IL18BP: variants seen among roughly 807,000 people sequenced by gnomAD.
The protein encoded by IL18BP is interleukin 18 binding protein.
Under a neutral mutation model 19.9 loss-of-function variants are expected in IL18BP, and 23 were observed. The ratio of observed to expected loss-of-function variants is 1.15; its 90% CI spans 0.83 to 1.64. IL18BP has a LOEUF of 1.64. Among genes scored for constraint, IL18BP ranks in the 40% most tolerant of loss-of-function variants. The pLI, the probability that IL18BP is intolerant of heterozygous loss-of-function variation, is 0.00. For missense variants in IL18BP, 239 were observed against 240.7 expected, an observed-to-expected ratio of 0.99 and a Z score of 0.05; for synonymous variants, 107 against 101.0, an observed-to-expected ratio of 1.06 and a Z score of -0.35.
At chr11:72,004,673 G>T, downstream of IL18BP, 1 of 1,613,322 alleles carries the variant, frequency 6.2e-7, no homozygotes, top group Non-Finnish European at 8.5e-7. Flanking sequence ...GGGGCTCTAG[G>T]GAGACCCGTT....
downstream of IL18BP, chr11:72,004,406 T>G (rs1342569952): frequency 2.1e-6 from 3 of 1,455,338 alleles, no homozygotes; most frequent in Non-Finnish European, 2.9e-6. Flanking sequence ...CCAGGTGTCT[T>G]GTCCTCTCAG....
At chr11:72,000,268 C>A in intron 2 of IL18BP, 83 bp from the exon 3 acceptor site, 8 of 1,247,254 alleles carry the variant, frequency 6.4e-6, no homozygotes, top group South Asian at 1.2e-5. Flanking sequence ...AGAACCCAGA[C>A]ATCTCTGGGC....
intron 5 of IL18BP, 72 bp from the exon 6 acceptor site, chr11:72,001,712 G>A (rs1955257226): frequency 6.2e-7 from 1 of 1,613,106 alleles, no homozygotes; most frequent in South Asian, 1.1e-5. Context: ...CAGAGGAGGT[G>A]TAGCCTGGGG....
downstream of IL18BP, chr11:72,005,321 A>C (rs1183217457): frequency 6.2e-7 from 1 of 1,608,328 alleles, no homozygotes; most frequent in East Asian, 2.3e-5. Flanking sequence ...CCAGTCATCC[A>C]GCTGCTCAGG....
In IL18BP at chr11:72,001,396, C is replaced by G; in HGVS notation, c.360-9C>G. 6.2e-7 allele frequency: 1 copy of G among 1,614,122 alleles called. No individual in the cohort carries two copies. Among genetic ancestry groups the G allele is most frequent in the Non-Finnish European group, 8.5e-7 (1 of 1,179,938 alleles). The stretch of plus-strand genomic sequence containing the variant: ...CCTTCTCATGACCTTTCCTTCCCTT[C>G]CGCTCCAGCCGGGAACGTGGGAGCA... On this transcript the variant is annotated splice_polypyrimidine_tract_variant and intron_variant, in intron 4 of 5. Coordinates refer to ENST00000393703, the MANE Select transcript of IL18BP (RefSeq NM_001039660.2).
chr11:71,999,722 T>C (rs1241532737), intron 1 of IL18BP: 9 of 500,556 alleles, frequency 1.8e-5, no homozygotes, highest in Non-Finnish European at 2.9e-5. Flanking sequence ...GGGGTAAGAT[T>C]GGACTAGGTA....
chr11:72,006,239 T>C (rs1271542400), downstream of IL18BP: 3 of 1,614,064 alleles, frequency 1.9e-6, no homozygotes, highest in African/African-American at 2.7e-5. Flanking sequence ...GAGTTGGCGC[T>C]GTCTGGCTCT....
chr11:72,000,297 C>G, intron 2 of IL18BP, 54 bp from the exon 3 acceptor site: 1 of 1,494,518 alleles, frequency 6.7e-7, no homozygotes, highest in Non-Finnish European at 9.3e-7. Flanking sequence ...CATCCTTACC[C>G]GGGCAGCCCA....
chr11:71,999,890 G>T (rs1280947338), intron 1 of IL18BP, 37 bp from the exon 2 acceptor site: 2 of 1,289,746 alleles, frequency 1.6e-6, no homozygotes, highest in African/African-American at 2.9e-5. Flanking sequence ...GAAAAAGCGG[G>T]AGTGGTTTAC....
At chr11:72,006,184 A>T, downstream of IL18BP, 2 of 1,614,148 alleles carry the variant, frequency 1.2e-6, no homozygotes, top group Non-Finnish European at 1.7e-6. Flanking sequence ...GGTGGCTCGC[A>T]GGCTAGCCTG....
Position 72,001,959 on chromosome 11 carries a change from T to A in IL18BP, c.*98T>A. 1 of 1,539,276 alleles carries A rather than the reference T, an allele frequency of 6.5e-7. No individual in the cohort carries two copies. The highest frequency in any genetic ancestry group is 8.8e-7 in the Non-Finnish European group (1 of 1,132,538). ...AGTCCCTGACTGCCTGTAGGCTGCGTGGATGCGCAACACACCCCCTCCTTC... is the reference window on the plus strand; with the variant it reads ...AGTCCCTGACTGCCTGTAGGCTGCGAGGATGCGCAACACACCCCCTCCTTC... On this transcript the variant is annotated 3_prime_UTR_variant, in exon 6 of 6. Transcript: ENST00000393703.
At chr11:72,003,802 A>G (rs1955442847), downstream of IL18BP, 1 of 1,386,412 alleles carries the variant, frequency 7.2e-7, no homozygotes, top group Non-Finnish European at 1.0e-6. Flanking sequence ...GCGTGGCCCC[A>G]TCTTGGATGC....
downstream of IL18BP, chr11:72,004,003 A>G (rs777274585): frequency 7.4e-6 from 12 of 1,613,308 alleles, no homozygotes; most frequent in Non-Finnish European, 1.0e-5. Context: ...GAAGCCTTGG[A>G]CAGGGCCTTC....
intron 5 of IL18BP, 84 bp from the exon 6 acceptor site, chr11:72,001,700 G>C (rs1955255444): frequency 6.2e-7 from 1 of 1,612,602 alleles, no homozygotes; most frequent in African/African-American, 1.3e-5. Flanking sequence ...TTAGGTCTTG[G>C]GCAGAGGAGG....
chr11:72,001,681 A>G, intron 5 of IL18BP, 103 bp from the exon 6 acceptor site: 3 of 1,611,262 alleles, frequency 1.9e-6, no homozygotes, highest in Non-Finnish European at 2.5e-6. Context: ...CAGCCAGACA[A>G]AAAGGAACTT....
At chr11:72,000,097 A>G in intron 2 of IL18BP, 85 bp downstream of exon 2, 1 of 1,462,128 alleles carries the variant, frequency 6.8e-7, no homozygotes, top group Non-Finnish European at 9.5e-7. Flanking sequence ...CGGAGCCTTC[A>G]CTCCAAGGCA....
Position 72,001,770 on chromosome 11 carries a change from CT to C in IL18BP, c.508-12del, listed in dbSNP as rs768592546. The C allele has an allele frequency of 6.2e-7, 1 of 1,614,098 alleles. No individual in the cohort carries two copies. The highest frequency in any genetic ancestry group is 1.7e-5 in the Admixed American group (1 of 60,028). Reference sequence around the variant, plus strand: ...TTTCCTTGGCCTGATCCTTGTCTGCCTTCACTTCCCTAGGCTGGGCTGAGGG... The same window carrying C: ...TTTCCTTGGCCTGATCCTTGTCTGCCTCACTTCCCTAGGCTGGGCTGAGGG... On this transcript the variant is annotated splice_polypyrimidine_tract_variant and intron_variant, in intron 5 of 5. Coordinates refer to ENST00000393703, the MANE Select transcript of IL18BP (RefSeq NM_001039660.2).
chr11:72,004,420 T>C (rs1426298610), downstream of IL18BP: 1 of 1,361,652 alleles, frequency 7.3e-7, no homozygotes, highest in South Asian at 1.2e-5. Flanking sequence ...CTCTCAGAGC[T>C]GAGTGGACCT....
At chr11:71,999,841 G>GGAGGAGAAGCCAGCTACT (rs1354374245) in intron 1 of IL18BP, 86 bp from the exon 2 acceptor site, 48 of 724,726 alleles carry the variant, frequency 6.6e-5, no homozygotes, top group Middle Eastern at 2.4e-4. Context: ...CTATGCTACG[G>GGAGGAGAAGCCAGCTACT]GAGGAGAAGC....
Sources: allele counts gnomAD v4.1 joint callset, GRCh38; gene constraint gnomAD v4.1.1; transcripts MANE v1.5; gene names NCBI Gene and HGNC (gene_info 2026-07-23, HGNC 2026-07-21).